Variants in RASGEF1C observed in about 807,000 individuals in gnomAD.
The protein encoded by RASGEF1C is RasGEF domain family member 1C.
RASGEF1C carries 27 observed loss-of-function variants against 58.1 expected under a neutral mutation model. That is an observed-to-expected ratio of 0.46 (90% confidence interval 0.34 to 0.64). The LOEUF (loss-of-function observed/expected upper bound fraction) is 0.64. Ranked by LOEUF, RASGEF1C falls within the 30% of genes least tolerant of loss-of-function variation. The probability of loss-of-function intolerance (pLI) is 0.01; values close to 1 mark genes in which losing one functional copy is unlikely to be tolerated. For missense variants in RASGEF1C, 502 were observed against 605.1 expected, an observed-to-expected ratio of 0.83 and a Z score of 1.79; for synonymous variants, 243 against 246.3, an observed-to-expected ratio of 0.99 and a Z score of 0.13.
chr5:180,202,326 T>G (rs1472098510), intron 1 of RASGEF1C, among the ~76,000 whole-genome samples: 1 of 152,128 alleles, frequency 6.6e-6, no homozygotes, highest in African/African-American at 2.4e-5. Flanking sequence ...AAAATAATGG[T>G]ACATAATATT....
chr5:180,111,575 G>A lies in RASGEF1C; in HGVS notation c.1185C>T (p.Phe395=), dbSNP rs1765961063. The A allele has an allele frequency of 2.5e-6, 4 of 1,614,154 alleles. No homozygotes were observed. The highest frequency in any genetic ancestry group is 3.4e-6 in the Non-Finnish European group (4 of 1,180,006). The change falls in exon 12 of 14, where the codon TTC becomes TTT. Residue 395 remains phenylalanine, a synonymous_variant. Transcript: ENST00000361132. ...LPNGHVNFEK[F]LELAKQVGEF... ...CCCCCACCTGCTTGGCCAGCTCCAGGAATTTCTGCCAGGGTCACAGAGACA... is the reference window on the plus strand; with the variant it reads ...CCCCCACCTGCTTGGCCAGCTCCAGAAATTTCTGCCAGGGTCACAGAGACA...
rs1766032180 is a variant in RASGEF1C, at chr5:180,114,543, T to C, written c.1084-2A>G. 6.2e-7 allele frequency: 1 copy of C among 1,608,848 alleles called. No homozygotes were observed. Among genetic ancestry groups the C allele is most frequent in the Non-Finnish European group, 8.5e-7 (1 of 1,176,770 alleles). ...CAGGCTGAAGAAAGGAATGACAATC[T>C]GGAAGAAAGAGGGGGCAGGTCGGCC... On this transcript the variant is annotated splice_acceptor_variant, in intron 10 of 13. Coordinates refer to ENST00000361132, the MANE Select transcript of RASGEF1C (RefSeq NM_175062.4). LOFTEE classifies it high-confidence loss of function.
chr5:180,104,363 C>T (rs1304508070), intron 12 of RASGEF1C, among the ~76,000 whole-genome samples: 1 of 152,134 alleles, frequency 6.6e-6, no homozygotes, highest in Non-Finnish European at 1.5e-5. Context: ...TGCCCATCTG[C>T]CAAATGAGGA....
intron 6 of RASGEF1C, among the ~76,000 whole-genome samples, chr5:180,126,179 G>A (rs561437100): frequency 2.0e-5 from 3 of 152,260 alleles, no homozygotes; most frequent in East Asian, 3.9e-4. Context: ...AGGCCGAGGC[G>A]GGCAGATCAC....
At position 180,101,222 on chromosome 5, in the gene RASGEF1C, G is replaced by T; in HGVS notation, c.*279C>A. ...GTTGTGTCCTTGCCGAGGATGGACA[G>T]ACTGACCAGGCCCCACGGTCCTGAA... On this transcript the variant is annotated 3_prime_UTR_variant, in exon 14 of 14. Transcript: ENST00000361132. 1.9e-6 allele frequency: 1 copy of T among 514,436 alleles called. No homozygotes were observed. The highest frequency in any genetic ancestry group is 3.0e-5 in the East Asian group (1 of 32,822). The allele number at this position is 514,436 out of a possible 1,614,324, so 31.9% of individuals were successfully genotyped here. A position where few individuals can be genotyped will look rare whatever the true frequency, so the allele number is the denominator to read the frequency against.
intron 4 of RASGEF1C, among the ~76,000 whole-genome samples, chr5:180,131,186 G>A (rs6869766): frequency 0.76 from 115,012 of 152,032 alleles, 44,761 homozygotes; most frequent in Non-Finnish European, 0.85. Context: ...AAATCTGATC[G>A]CTGCCTCCCT....
intron 1 of RASGEF1C, among the ~76,000 whole-genome samples, chr5:180,159,350 G>C (rs1766901675): frequency 6.6e-6 from 1 of 152,070 alleles, no homozygotes; most frequent in African/African-American, 2.4e-5. Flanking sequence ...ATGTTGCCCA[G>C]GGTGGTCTCA....
chr5:180,132,349 G>A (rs1005538577), intron 4 of RASGEF1C, among the ~76,000 whole-genome samples: 25 of 152,238 alleles, frequency 1.6e-4, no homozygotes, highest in African/African-American at 5.3e-4. Context: ...CGGCAGCCAC[G>A]GCTCTCCAGG....
At chr5:180,188,453 A>G (rs1756080292) in intron 1 of RASGEF1C, among the ~76,000 whole-genome samples, 1 of 152,194 alleles carries the variant, frequency 6.6e-6, no homozygotes, top group South Asian at 2.1e-4. Flanking sequence ...ACTAAAGGAA[A>G]AACCACATAA....
intron 1 of RASGEF1C, among the ~76,000 whole-genome samples, chr5:180,207,634 GCCC>G: frequency 6.6e-6 from 1 of 151,670 alleles, no homozygotes; most frequent in African/African-American, 2.4e-5. Flanking sequence ...TCTCTCGCCT[GCCC>G]TCCCTCTCCT....
At chr5:180,171,433 G>A (rs921858460) in intron 1 of RASGEF1C, among the ~76,000 whole-genome samples, 2 of 152,118 alleles carry the variant, frequency 1.3e-5, no homozygotes, top group Non-Finnish European at 2.9e-5. Context: ...GAGAAGATGG[G>A]AGACCCCGCA....
chr5:180,111,684 CT>C, intron 11 of RASGEF1C, 104 bp from the exon 12 acceptor site: 1 of 1,294,900 alleles, frequency 7.7e-7, no homozygotes, highest in Non-Finnish European at 1.1e-6. Context: ...CACCCAGTGG[CT>C]TTAGGGCTCT....
intron 1 of RASGEF1C, among the ~76,000 whole-genome samples, chr5:180,174,596 G>A (rs1396376135): frequency 7.0e-6 from 1 of 143,784 alleles, no homozygotes; most frequent in Non-Finnish European, 1.5e-5. Flanking sequence ...ACGTGTGTGT[G>A]TGTGTGCACG....
At position 180,156,740 on chromosome 5, in the gene RASGEF1C, C is replaced by T. The variant is rs918292775; in HGVS notation, c.-6-18682G>A. Among the ~76,000 whole-genome samples the T allele has an allele frequency of 4.6e-5, 7 of 152,032 alleles. No homozygotes were observed. Among genetic ancestry groups the T allele is most frequent in the African/African-American group, 1.7e-4 (7 of 41,400 alleles). ...TAAGCCGAGATCGTACCACTGCACT[C>T]CAGCCTGGGCAACCAGAGTGAGACC... On this transcript the variant is annotated intron_variant, in intron 1 of 13. Transcript: ENST00000361132. The surrounding 1 kb of genome is among the most constrained non-coding windows in gnomAD (Gnocchi z 4.9).
chr5:180,162,407 T>C (rs928201982), intron 1 of RASGEF1C, among the ~76,000 whole-genome samples: 1 of 152,206 alleles, frequency 6.6e-6, no homozygotes, highest in Non-Finnish European at 1.5e-5. Context: ...GTCCCAACTC[T>C]GATGTCACCC....
intron 1 of RASGEF1C, among the ~76,000 whole-genome samples, chr5:180,180,837 C>A (rs1767312755): frequency 6.6e-6 from 1 of 152,246 alleles, no homozygotes; most frequent in Admixed American, 6.5e-5. Context: ...GATTGAGAAG[C>A]AGAACATTTC....
intron 1 of RASGEF1C, among the ~76,000 whole-genome samples, chr5:180,148,643 A>G (rs1416774215): frequency 6.6e-6 from 1 of 152,176 alleles, no homozygotes; most frequent in Non-Finnish European, 1.5e-5. Context: ...CCTGTTAGTT[A>G]CTGATGTCAC....
rs1469214885 is a variant in RASGEF1C at position 180,197,855 on chromosome 5, T to C, written c.-7+11173A>G. ...CAACTTCCTGACCAAATGACCCAGG[T>C]AGATATTTCCTCTGCAGGGGCACTA... On this transcript the variant is annotated intron_variant, in intron 1 of 13. Transcript: ENST00000361132. The surrounding 1 kb of genome is among the most constrained non-coding windows in gnomAD (Gnocchi z 4.7). 6.6e-6 allele frequency among the ~76,000 whole-genome samples: 1 copy of C among 152,202 alleles called. No individual in the cohort carries two copies. Among genetic ancestry groups the C allele is most frequent in the Non-Finnish European group, 1.5e-5 (1 of 68,040 alleles).
chr5:180,142,312 TGCTG>T (rs1160786752), intron 1 of RASGEF1C, among the ~76,000 whole-genome samples: 2 of 152,150 alleles, frequency 1.3e-5, no homozygotes. Flanking sequence ...AAATGCCCAG[TGCTG>T]GCAGGCATGC....
Sources: gnomAD v4.1 joint callset for allele counts (sites outside exome capture counted in the v4.1 genomes callset) on GRCh38, gnomAD v4.1.1 for gene constraint, Gnocchi (gnomAD v3.1) non-coding constraint, MANE v1.5 for transcripts, NCBI Gene and HGNC (gene_info 2026-07-23, HGNC 2026-07-21) for gene names.